Variants in BNC2 observed in about 807,000 individuals in gnomAD.
BNC2 encodes the protein basonuclin zinc finger protein 2, also known as zinc finger protein basonuclin-2.
BNC2 carries 20 observed loss-of-function variants against 76.3 expected under a neutral mutation model. The ratio of observed to expected loss-of-function variants is 0.26; its 90% CI spans 0.18 to 0.38. The LOEUF is 0.38. Among genes scored for constraint, BNC2 ranks in the 10% least tolerant of loss-of-function variants. The pLI, the probability that BNC2 is intolerant of heterozygous loss-of-function variation, is 1.00. For missense variants in BNC2, 1,382 were observed against 1,399.8 expected, an observed-to-expected ratio of 0.99 and a Z score of 0.20; for synonymous variants, 582 against 514.8, an observed-to-expected ratio of 1.13 and a Z score of -1.77.
At chr9:16,631,264 C>G (rs78117593) in intron 3 of BNC2, among the ~76,000 whole-genome samples, 2,132 of 152,180 alleles carry the variant, frequency 0.014, 27 homozygotes, top group Non-Finnish European at 0.019. Flanking sequence ...GATCTAAATC[C>G]TTATCTTTCT....
chr9:16,502,545 T>A (rs1380669192), intron 5 of BNC2, among the ~76,000 whole-genome samples: 1 of 150,762 alleles, frequency 6.6e-6, no homozygotes, highest in Non-Finnish European at 1.5e-5. Flanking sequence ...TTTTGTTTTG[T>A]CTTTTTTCCC....
chr9:16,576,581 T>A (rs1453927279), intron 4 of BNC2, among the ~76,000 whole-genome samples: 1 of 152,208 alleles, frequency 6.6e-6, no homozygotes, highest in African/African-American at 2.4e-5. Context: ...AATAAAGACA[T>A]GTGAACTTTC....
intron 3 of BNC2, among the ~76,000 whole-genome samples, chr9:16,658,508 C>A (rs1197176394): frequency 1.3e-5 from 2 of 152,140 alleles, no homozygotes; most frequent in Non-Finnish European, 2.9e-5. Context: ...CCATATTGTT[C>A]AGCATATCAC....
chr9:16,495,643 G>C (rs1822372735), intron 5 of BNC2, among the ~76,000 whole-genome samples: 1 of 152,272 alleles, frequency 6.6e-6, no homozygotes, highest in African/African-American at 2.4e-5. Context: ...CTCTGGTTTG[G>C]GCTTTATCCG....
At chr9:16,485,593 A>G (rs1822147732) in intron 5 of BNC2, among the ~76,000 whole-genome samples, 1 of 152,162 alleles carries the variant, frequency 6.6e-6, no homozygotes, top group East Asian at 1.9e-4. Context: ...GCTAGGGCTT[A>G]CCAAAAAATT....
intron 1 of BNC2, among the ~76,000 whole-genome samples, chr9:16,771,957 T>C (rs1283656925): frequency 1.3e-5 from 2 of 152,176 alleles, no homozygotes; most frequent in Non-Finnish European, 2.9e-5. Flanking sequence ...GGACTATAAA[T>C]GGAAAAAGAA....
At chr9:16,539,735 A>AAAGGAAAGGGAAGGG (rs1563830904) in intron 5 of BNC2, among the ~76,000 whole-genome samples, 33 of 105,908 alleles carry the variant, frequency 3.1e-4, no homozygotes, top group African/African-American at 1.1e-3. Context: ...GAAAAGAGGG[A>AAAGGAAAGGGAAGGG]AAGGGAAGGG....
intron 1 of BNC2, among the ~76,000 whole-genome samples, chr9:16,773,968 TTTTTGTTTTGTTTTG>T (rs370341139): frequency 2.0e-5 from 3 of 152,038 alleles, no homozygotes; most frequent in African/African-American, 7.2e-5. Flanking sequence ...ACAGTATGTT[TTTTTGTTTTGTTTTG>T]TTTTGTTTTG....
chr9:16,699,138 G>T, intron 3 of BNC2: 3 of 460,194 alleles, frequency 6.5e-6, no homozygotes, highest in Non-Finnish European at 8.9e-6. Flanking sequence ...TTTTTGTTTT[G>T]TCCTTTCCCT....
At chr9:16,508,683 A>G (rs1244237174) in intron 5 of BNC2, among the ~76,000 whole-genome samples, 1 of 152,090 alleles carries the variant, frequency 6.6e-6, no homozygotes, top group East Asian at 1.9e-4. Flanking sequence ...CCAAATCCAA[A>G]TTTTCATACA....
At chr9:16,660,086 T>C (rs1370419575) in intron 3 of BNC2, among the ~76,000 whole-genome samples, 2 of 152,252 alleles carry the variant, frequency 1.3e-5, no homozygotes, top group Non-Finnish European at 2.9e-5. Context: ...CCATAATTAG[T>C]TGTTCTCCAA....
At chr9:16,534,387 A>G (rs1818069469) in intron 5 of BNC2, among the ~76,000 whole-genome samples, 1 of 152,174 alleles carries the variant, frequency 6.6e-6, no homozygotes, top group Non-Finnish European at 1.5e-5. Context: ...ATAAAAAATC[A>G]TGAGAAAATC....
chr9:16,459,843 T>C (rs1821536631), intron 5 of BNC2, among the ~76,000 whole-genome samples: 1 of 152,220 alleles, frequency 6.6e-6, no homozygotes. Context: ...ATATTTTTCA[T>C]GTATATAAAC....
At chr9:16,631,246 G>C (rs1821152549) in intron 3 of BNC2, among the ~76,000 whole-genome samples, 1 of 152,012 alleles carries the variant, frequency 6.6e-6, no homozygotes, top group Non-Finnish European at 1.5e-5. Context: ...CATAATTAAT[G>C]AACCACAGAT....
intron 1 of BNC2, among the ~76,000 whole-genome samples, chr9:16,862,611 C>T (rs1211545075): frequency 6.6e-6 from 1 of 152,276 alleles, no homozygotes; most frequent in East Asian, 1.9e-4. Context: ...GGATAAAGAA[C>T]AAGTGCAGGA....
intron 1 of BNC2, among the ~76,000 whole-genome samples, chr9:16,772,382 T>C (rs10962579): frequency 0.026 from 3,921 of 152,258 alleles, 191 homozygotes; most frequent in East Asian, 0.22. Flanking sequence ...ACATTAAATT[T>C]TCCATATCCA....
At position 16,724,258 on chromosome 9, in the gene BNC2, A is replaced by G. The variant is rs575737007; in HGVS notation, c.330+3539T>C. 1.6e-4 allele frequency among the ~76,000 whole-genome samples: 24 copies of G among 152,134 alleles called. No individual in the cohort carries two copies. In the South Asian group the frequency reaches 3.9e-3, roughly 25 times the overall value. On this transcript the variant is annotated intron_variant, in intron 3 of 6. Transcript: ENST00000380672. ...GACTATTACATCCCTTGAGATAGCT[A>G]CAAGAATTTTATTTACTATTCTCTC...
chr9:16,761,048 G>C (rs1355641785), intron 1 of BNC2, among the ~76,000 whole-genome samples: 1 of 151,022 alleles, frequency 6.6e-6, no homozygotes, highest in Non-Finnish European at 1.5e-5. Context: ...TTCAAGACCA[G>C]CCTGTAAAAC....
intron 1 of BNC2, among the ~76,000 whole-genome samples, chr9:16,738,725 T>G (rs1824753934): frequency 6.6e-6 from 1 of 152,146 alleles, no homozygotes. Flanking sequence ...TGGATACACT[T>G]TTGCCCTGCC....
Sources: allele counts gnomAD v4.1 joint callset (sites outside exome capture counted in the v4.1 genomes callset), GRCh38; gene constraint gnomAD v4.1.1; transcripts MANE v1.5; gene names NCBI Gene and HGNC (gene_info 2026-07-23, HGNC 2026-07-21).